The following CCNT1 variants were observed in gnomAD, a reference collection of about 807,000 sequenced individuals.
The protein encoded by CCNT1 is cyclin T1.
CCNT1 carries 18 observed loss-of-function variants against 67.3 expected under a neutral mutation model. That is an observed-to-expected ratio of 0.27 (90% CI 0.18 to 0.40). CCNT1 has a LOEUF of 0.40. CCNT1 is among the 10% of genes least tolerant of loss of function. The pLI is 1.00. For missense variants in CCNT1, 744 were observed against 884.9 expected (o/e 0.84, Z 2.02); for synonymous variants, 333 against 310.3 (o/e 1.07, Z -0.77).
chr12:48,693,822 G>A lies in CCNT1; in HGVS notation c.1392C>T (p.Ile464=), dbSNP rs1940123646. ...CAGCTTTATCTCCACCTGCCACTGGGATTCTCATTTTGAGAGCTGTTTTGT... is the reference window on the plus strand; with the variant it reads ...CAGCTTTATCTCCACCTGCCACTGGAATTCTCATTTTGAGAGCTGTTTTGT... The part of the protein sequence containing the change: ...KADKTALKMR[I]PVAGGDKAAS... Residue 464 remains isoleucine (I), a synonymous_variant, in exon 9 of 9, where the codon ATC becomes ATT. Coordinates refer to ENST00000261900, the MANE Select transcript of CCNT1 (RefSeq NM_001240.4). 1 of 1,614,166 alleles carries A rather than the reference G, an allele frequency of 6.2e-7. No homozygotes were observed. The highest frequency in any genetic ancestry group is 8.5e-7 in the Non-Finnish European group (1 of 1,180,030).
intron 3 of CCNT1, 32 bp from the exon 4 acceptor site, chr12:48,701,105 C>A (rs767450946): frequency 6.9e-6 from 9 of 1,304,652 alleles, no homozygotes; most frequent in Admixed American, 1.9e-5. Context: ...TTATTCCCTA[C>A]AAAGGCACAA....
chr12:48,695,055 C>T (rs1362840917), intron 8 of CCNT1, among the ~76,000 whole-genome samples: 2 of 152,054 alleles, frequency 1.3e-5, no homozygotes, highest in African/African-American at 4.8e-5. Flanking sequence ...AACTCCTGAC[C>T]TCAGTTGATC....
rs1940063196 is a variant in CCNT1 at position 48,690,988 on chromosome 12, A to C, written c.*2045T>G. 1 of 152,246 alleles carries C rather than the reference A, an allele frequency of 6.6e-6. No individual in the cohort carries two copies. Among genetic ancestry groups the C allele is most frequent in the Non-Finnish European group, 1.5e-5 (1 of 68,044 alleles). The allele number at this position is 152,246 out of a possible 1,614,324, so 9.4% of individuals were successfully genotyped here. ...ATAGAAGCCCTAAATGTACTAAACC[A>C]CAACTATATATCTACCAATTATCTA... On this transcript the variant is annotated 3_prime_UTR_variant, in exon 9 of 9. Transcript: ENST00000261900.
At chr12:48,716,066 C>T (rs2057509425) in intron 1 of CCNT1, among the ~76,000 whole-genome samples, 2 of 152,224 alleles carry the variant, frequency 1.3e-5, no homozygotes, top group African/African-American at 4.8e-5. Flanking sequence ...AAGGCTGAGG[C>T]ATTAATTCTA....
In CCNT1 at chr12:48,693,538, T is replaced by C. The variant is rs759944560; in HGVS notation, c.1676A>G (p.Tyr559Cys). 9 of 1,614,064 alleles carry C rather than the reference T, an allele frequency of 5.6e-6. No homozygotes were observed. The highest frequency in any genetic ancestry group is 2.2e-5 in the East Asian group (1 of 44,890). Reference protein sequence around the residue: ...SQTSNLAHKTYSLSSSFSSSS... With the variant: ...SQTSNLAHKTCSLSSSFSSSS... ...AGAGGAAAAAGAACTAGACAAGCTA[T>C]AGGTTTTATGTGCTAAGTTGCTTGT... is the stretch of plus-strand genomic sequence containing the variant. Residue 559 changes from tyrosine (Y) to cysteine (C), a missense_variant, in exon 9 of 9, where the codon TAT becomes TGT. By Grantham distance (194) the Tyr-to-Cys change is radical. Transcript: ENST00000261900.
intron 2 of CCNT1, among the ~76,000 whole-genome samples, chr12:48,708,732 C>T (rs1484619115): frequency 3.9e-5 from 6 of 152,046 alleles, no homozygotes; most frequent in Admixed American, 6.6e-5. Context: ...ATTTCCTGTC[C>T]GTCCTCTTCC....
At chr12:48,695,897 AACT>A (rs201303028) in intron 7 of CCNT1, 68 bp from the exon 8 acceptor site, 2 of 1,505,094 alleles carry the variant, frequency 1.3e-6, no homozygotes, top group South Asian at 1.1e-5. Flanking sequence ...GAATAACCTG[AACT>A]ACTAACTAAC....
At chr12:48,700,911 A>G in intron 4 of CCNT1, 102 bp downstream of exon 4, 2 of 688,016 alleles carry the variant, frequency 2.9e-6, no homozygotes, top group Non-Finnish European at 4.9e-6. Flanking sequence ...GGGACACTAC[A>G]AAAACTTTCC....
At chr12:48,698,551 A>C (rs550066990) in intron 5 of CCNT1, among the ~76,000 whole-genome samples, 8 of 152,374 alleles carry the variant, frequency 5.3e-5, no homozygotes, top group Admixed American at 2.6e-4. Context: ...TTCTGATGTA[A>C]GGATTCACTG....
intron 6 of CCNT1, among the ~76,000 whole-genome samples, chr12:48,697,501 A>G (rs1940188331): frequency 6.9e-6 from 1 of 143,940 alleles, no homozygotes; most frequent in Admixed American, 7.1e-5. Context: ...CCAGCCTGGT[A>G]GACAGAGTGA....
At position 48,716,580 on chromosome 12, in the gene CCNT1, A is replaced by G. The variant is rs1208590407; in HGVS notation, c.96T>C (p.Asp32=). The G allele has an allele frequency of 2.5e-6, 4 of 1,614,224 alleles. No individual in the cohort carries two copies. Among genetic ancestry groups the G allele is most frequent in the Admixed American group, 3.3e-5 (2 of 60,028 alleles). Residue 32 remains aspartate, a synonymous_variant, in exon 1 of 9, where the codon GAT becomes GAC. Transcript: ENST00000261900. ...CCTGCTGGCGATAAGAAAGTTCTTT[A>G]TCTGGGTCCACGCCAAAACGACGGG... ...SPSRRFGVDP[D]KELSYRQQAA...
chr12:48,705,862 T>G lies in CCNT1; in HGVS notation c.278A>C (p.Lys93Thr). Residue 93 changes from lysine to threonine, a missense_variant, in exon 3 of 9, where the codon AAA (lysine) becomes ACA (threonine). Transcript: ENST00000261900. ...CAATTTTTTGGGCTGCTCCTCCACT[T>G]TAGCTGCTAGAAACAAGGCTGCTGG... ...VAPAALFLAA[K>T]VEEQPKKLEH... The G allele has an allele frequency of 1.9e-6, 3 of 1,613,812 alleles. No individual in the cohort carries two copies. Among genetic ancestry groups the G allele is most frequent in the Non-Finnish European group, 2.5e-6 (3 of 1,179,892 alleles).
Position 48,693,747 on chromosome 12 carries a change from T to C in CCNT1, c.1467A>G (p.Ala489=). 1 of 1,614,176 alleles carries C rather than the reference T, an allele frequency of 6.2e-7. No homozygotes were observed. Among genetic ancestry groups the C allele is most frequent in the South Asian group, 1.1e-5 (1 of 91,084 alleles). Residue 489 remains alanine, a synonymous_variant, in exon 9 of 9, where the codon GCA becomes GCG. Coordinates refer to ENST00000261900, the MANE Select transcript of CCNT1 (RefSeq NM_001240.4). ...CCTCTACAGAATTGTGCTTATCAGC[T>C]GCAGCATGGACTTTTATGCGCATTT... ...EIKMRIKVHA[A]ADKHNSVEDS... is the part of the protein sequence containing the mutation.
Position 48,693,674 on chromosome 12 carries a change from G to C in CCNT1, c.1540C>G (p.Pro514Ala). The C allele has an allele frequency of 6.2e-7, 1 of 1,614,058 alleles. No individual in the cohort carries two copies. The highest frequency in any genetic ancestry group is 8.5e-7 in the Non-Finnish European group (1 of 1,180,020). Residue 514 changes from proline to alanine, a missense_variant, in exon 9 of 9, where the codon CCA becomes GCA. Around this residue, in one of 3 missense-constraint regions of CCNT1, gnomAD observed 564 missense variants for 574.2 expected, o/e 0.98. Coordinates refer to ENST00000261900, the MANE Select transcript of CCNT1 (RefSeq NM_001240.4). ...REHKEKHKTH[P>A]SNHHHHHNHH... ...TTATGATGATGATGATGATTAGATGGGTGAGTCTTGTGCTTTTCTTTGTGC... is the reference window on the plus strand; with the variant it reads ...TTATGATGATGATGATGATTAGATGCGTGAGTCTTGTGCTTTTCTTTGTGC...
rs755236447 is a variant in CCNT1 at position 48,693,852 on chromosome 12, C to G, written c.1362G>C (p.Lys454Asn). 1.9e-6 allele frequency: 3 copies of G among 1,614,038 alleles called. No homozygotes were observed. The East Asian group carries it at 6.7e-5, about 36-fold the overall frequency. Residue 454 changes from lysine to asparagine, a missense_variant, in exon 9 of 9, where the codon AAG becomes AAC. Physicochemically the swap from Lys to Asn is moderately conservative, Grantham distance 94. Coordinates refer to ENST00000261900, the MANE Select transcript of CCNT1 (RefSeq NM_001240.4). ...TCATTTTGAGAGCTGTTTTGTCAGCCTTTTCCAGAAAAGGCCGCTCGGGGT... is the reference window on the plus strand; with the variant it reads ...TCATTTTGAGAGCTGTTTTGTCAGCGTTTTCCAGAAAAGGCCGCTCGGGGT... ...SENPERPFLE[K>N]ADKTALKMRI...
At position 48,693,021 on chromosome 12, in the gene CCNT1, C is replaced by CT; in HGVS notation, c.*11dup. 6.8e-7 allele frequency: 1 copy of CT among 1,461,560 alleles called. No homozygotes were observed. The highest frequency in any genetic ancestry group is 9.2e-7 in the Non-Finnish European group (1 of 1,088,802). 90.5% of individuals were successfully genotyped at this position (1,461,560 alleles called of 1,614,324 possible). On this transcript the variant is annotated 3_prime_UTR_variant, in exon 9 of 9. Transcript: ENST00000261900. Reference sequence around the variant, plus strand: ...TTTAAAGAAGTTTTTTTCTCCTCTTCTTTTTCTTTTTTTACTTAGGAAGGG... The same window carrying CT: ...TTTAAAGAAGTTTTTTTCTCCTCTTCTTTTTTCTTTTTTTACTTAGGAAGGG...
chr12:48,712,349 C>T (rs866719048), intron 2 of CCNT1, among the ~76,000 whole-genome samples: 76 of 151,690 alleles, frequency 5.0e-4, no homozygotes, highest in African/African-American at 1.4e-3. Context: ...ATAGCGATCT[C>T]GGCTCACCAC....
chr12:48,695,638 T>C (rs982669095), intron 8 of CCNT1, 121 bp downstream of exon 8: 10 of 657,222 alleles, frequency 1.5e-5, no homozygotes, highest in Non-Finnish European at 2.7e-5. Flanking sequence ...AAGTCATGAT[T>C]ACTGTGTAAC....
At chr12:48,701,141 A>G in intron 3 of CCNT1, 68 bp from the exon 4 acceptor site, 1 of 879,148 alleles carries the variant, frequency 1.1e-6, no homozygotes, top group South Asian at 1.8e-5. Flanking sequence ...CAATTCTAAC[A>G]ATCCCTTCCA....
Sources: allele counts gnomAD v4.1 joint callset (sites outside exome capture counted in the v4.1 genomes callset), GRCh38; gene constraint gnomAD v4.1.1; regional missense constraint gnomAD v4.1.1; transcripts MANE v1.5; gene names NCBI Gene and HGNC (gene_info 2026-07-23, HGNC 2026-07-21).